Variants in C1QL3 observed in about 807,000 individuals in gnomAD.
The protein encoded by C1QL3 is complement C1q like 3.
In C1QL3, 4 loss-of-function variants were observed where a neutral mutation model predicts 16.6. That is an observed-to-expected ratio of 0.24 (90% CI 0.12 to 0.55). C1QL3 has a LOEUF of 0.55. Among genes scored for constraint, C1QL3 ranks in the 20% least tolerant of loss-of-function variants. The pLI, the probability that C1QL3 is intolerant of heterozygous loss-of-function variation, is 0.94. For missense variants in C1QL3, 269 were observed against 365.6 expected (o/e 0.74, Z 2.16); for synonymous variants, 189 against 160.2 (o/e 1.18, Z -1.36).
rs1294757124 is a variant in C1QL3 at position 16,521,548 on chromosome 10, T to C, written c.-483A>G. 1.3e-5 allele frequency: 2 copies of C among 153,456 alleles called. No homozygotes were observed. The highest frequency in any genetic ancestry group is 4.8e-5 in the African/African-American group (2 of 41,406). The allele number at this position is 153,456 out of a possible 1,614,324, so 9.5% of individuals were successfully genotyped here. On this transcript the variant is annotated 5_prime_UTR_variant, in exon 1 of 2. Coordinates refer to ENST00000298943, the MANE Select transcript of C1QL3 (RefSeq NM_001010908.2). Reference sequence around the variant, plus strand: ...TGCGCCTGTTCGCACCAACTTTCCGTCTGAAGTTGCCTTTTTCTGCCTCCT... The same window carrying C: ...TGCGCCTGTTCGCACCAACTTTCCGCCTGAAGTTGCCTTTTTCTGCCTCCT...
chr10:16,519,677 A>T (rs1837008886), intron 1 of C1QL3, among the ~76,000 whole-genome samples: 1 of 152,088 alleles, frequency 6.6e-6, no homozygotes, highest in Non-Finnish European at 1.5e-5. Flanking sequence ...AGAGGCCGAT[A>T]GACCCGGGGC....
Position 16,516,134 on chromosome 10 carries a change from A to G in C1QL3, c.589-1427T>C, listed in dbSNP as rs1425600576. Among the ~76,000 whole-genome samples the G allele has an allele frequency of 1.3e-5, 2 of 152,296 alleles. 1 individual carries two copies. The highest frequency in any genetic ancestry group is 6.8e-3 in the Middle Eastern group (2 of 294). On this transcript the variant is annotated intron_variant, in intron 1 of 1. Transcript: ENST00000298943. ...GTCTTTCTGGGTATCACATAGCAAAAGGAGAAAATGGCTTAAAGGATTTAG... is the reference window on the plus strand; with the variant it reads ...GTCTTTCTGGGTATCACATAGCAAAGGGAGAAAATGGCTTAAAGGATTTAG...
In C1QL3 at chr10:16,520,755, G is replaced by A. The variant is rs760549017; in HGVS notation, c.311C>T (p.Pro104Leu). The A allele has an allele frequency of 2.6e-5, 36 of 1,378,608 alleles. No homozygotes were observed. Among genetic ancestry groups the A allele is most frequent in the Non-Finnish European group, 3.3e-5 (35 of 1,063,828 alleles). The allele number at this position is 1,378,608 out of a possible 1,614,324, so 85.4% of individuals were successfully genotyped here. ...CGCGTTCAGGCCGGGCGCCCCGGGC[G>A]GGCCCGGCAGGCCTTGGCGGCCCGG... is the stretch of plus-strand genomic sequence containing the variant. ...GEPGRQGLPG[P>L]PGAPGLNAAG... The change falls in exon 1 of 2, where the codon CCG (proline) becomes CTG (leucine). Residue 104 changes from proline (P) to leucine (L), a missense_variant. Coordinates refer to ENST00000298943, the MANE Select transcript of C1QL3 (RefSeq NM_001010908.2). The surrounding 1 kb of genome is among the most constrained non-coding windows in gnomAD (Gnocchi z 8.3).
rs2133535487 is a variant in C1QL3 at position 16,514,374 on chromosome 10, T to C, written c.*154A>G. On this transcript the variant is annotated 3_prime_UTR_variant, in exon 2 of 2. Coordinates refer to ENST00000298943, the MANE Select transcript of C1QL3 (RefSeq NM_001010908.2). ...ATATTTTTTACATAATGTTTCTGAGTGATACAGATGTGAGTCAGGTAGCAT... is the reference window on the plus strand; with the variant it reads ...ATATTTTTTACATAATGTTTCTGAGCGATACAGATGTGAGTCAGGTAGCAT... The C allele has an allele frequency of 1.6e-6, 1 of 622,868 alleles. No individual in the cohort carries two copies. Among genetic ancestry groups the C allele is most frequent in the Non-Finnish European group, 2.8e-6 (1 of 352,590 alleles). The allele number at this position is 622,868 out of a possible 1,614,324, so 38.6% of individuals were successfully genotyped here. A position where few individuals can be genotyped will look rare whatever the true frequency, so the allele number is the denominator to read the frequency against.
chr10:16,520,516 C>T lies in C1QL3; in HGVS notation c.550G>A (p.Gly184Ser). ...TYHVLMRGGDGTSMWADLCKN... is the reference protein window; with the variant it reads ...TYHVLMRGGDSTSMWADLCKN... The stretch of plus-strand genomic sequence containing the variant: ...CAGAGATCAGCCCACATGCTGGTGC[C>T]GTCCCCTCCGCGCATCAGGACGTGG... The change falls in exon 1 of 2, where the codon GGC becomes AGC. Residue 184 changes from glycine (G) to serine (S), a missense_variant. Physicochemically the swap from Gly to Ser is moderately conservative, Grantham distance 56. Around this residue, in one of 2 missense-constraint regions of C1QL3, gnomAD observed 246 missense variants for 297.2 expected, o/e 0.83. Coordinates refer to ENST00000298943, the MANE Select transcript of C1QL3 (RefSeq NM_001010908.2). The surrounding 1 kb of genome is among the most constrained non-coding windows in gnomAD (Gnocchi z 8.3). 8 of 1,610,804 alleles carry T rather than the reference C, an allele frequency of 5.0e-6. No homozygotes were observed. The highest frequency in any genetic ancestry group is 6.8e-6 in the Non-Finnish European group (8 of 1,178,508).
intron 1 of C1QL3, among the ~76,000 whole-genome samples, chr10:16,519,140 C>CTTGTTTTTTTTTTTTTTTTTT (rs1836996587): frequency 2.5e-5 from 1 of 39,476 alleles, no homozygotes; most frequent in African/African-American, 1.5e-4. Flanking sequence ...GCATTTAGGA[C>CTTGTTTTTTTTTTTTTTTTTT]TTTTTTTTTT....
chr10:16,514,227 C>A lies in C1QL3; in HGVS notation c.*301G>T. The A allele has an allele frequency of 2.3e-6, 1 of 430,000 alleles. No homozygotes were observed. The highest frequency in any genetic ancestry group is 8.5e-5 in the South Asian group (1 of 11,800). 26.6% of individuals were successfully genotyped at this position (430,000 alleles called of 1,614,324 possible). ...TATCATATATATAGAAGAAATAATT[C>A]AATGTCTTAGATTTGTCTATAAAAA... On this transcript the variant is annotated 3_prime_UTR_variant, in exon 2 of 2. Transcript: ENST00000298943.
chr10:16,514,443 C>T lies in C1QL3; in HGVS notation c.*85G>A, dbSNP rs1354547302. On this transcript the variant is annotated 3_prime_UTR_variant, in exon 2 of 2. Coordinates refer to ENST00000298943, the MANE Select transcript of C1QL3 (RefSeq NM_001010908.2). The stretch of plus-strand genomic sequence containing the variant: ...CACAACTGAGGTGCCCTGCCATTGG[C>T]ATCCCCTGGGATCCTTGATTCACTG... The T allele has an allele frequency of 3.4e-6, 4 of 1,172,456 alleles. No individual in the cohort carries two copies. Among genetic ancestry groups the T allele is most frequent in the Non-Finnish European group, 1.2e-6 (1 of 810,346 alleles). 72.6% of individuals were successfully genotyped at this position (1,172,456 alleles called of 1,614,324 possible).
chr10:16,519,353 G>C (rs1485426500), intron 1 of C1QL3, among the ~76,000 whole-genome samples: 1 of 151,396 alleles, frequency 6.6e-6, no homozygotes, highest in Non-Finnish European at 1.5e-5. Context: ...TGCCAGGGTC[G>C]CGGGCCATCC....
At position 16,521,229 on chromosome 10, in the gene C1QL3, C is replaced by T. The variant is rs1837037811; in HGVS notation, c.-164G>A. On this transcript the variant is annotated 5_prime_UTR_variant, in exon 1 of 2. Coordinates refer to ENST00000298943, the MANE Select transcript of C1QL3 (RefSeq NM_001010908.2). ...CCCTGCGAACCCCAACTCCCCTGGG[C>T]GTGCGTGCGCCGGCCGCTGCTGCCG... is the stretch of plus-strand genomic sequence containing the variant. The T allele has an allele frequency of 4.9e-6, 3 of 610,484 alleles. No homozygotes were observed. The highest frequency in any genetic ancestry group is 2.1e-5 in the South Asian group (1 of 48,000). The allele number at this position is 610,484 out of a possible 1,614,324, so 37.8% of individuals were successfully genotyped here.
Position 16,521,329 on chromosome 10 carries a change from G to C in C1QL3, c.-264C>G. 1 of 381,862 alleles carries C rather than the reference G, an allele frequency of 2.6e-6. No homozygotes were observed. The highest frequency in any genetic ancestry group is 4.7e-6 in the Non-Finnish European group (1 of 214,794). 23.7% of individuals were successfully genotyped at this position (381,862 alleles called of 1,614,324 possible). A position where few individuals can be genotyped will look rare whatever the true frequency, so the allele number is the denominator to read the frequency against. On this transcript the variant is annotated 5_prime_UTR_variant, in exon 1 of 2. Transcript: ENST00000298943. ...CCAGTGACTTGAGCCGAAGTCCCGA[G>C]CCCGGGGTGGGGGCCGGGGGAGGGG...
intron 1 of C1QL3, among the ~76,000 whole-genome samples, chr10:16,517,526 T>C (rs556350301): frequency 2.6e-5 from 4 of 152,234 alleles, no homozygotes; most frequent in Non-Finnish European, 5.9e-5. Flanking sequence ...CTTCATGTTT[T>C]CTGCTAAAAG....
Position 16,513,760 on chromosome 10 carries a change from G to T in C1QL3, c.*768C>A, listed in dbSNP as rs944401123. On this transcript the variant is annotated 3_prime_UTR_variant, in exon 2 of 2. Transcript: ENST00000298943. Reference sequence around the variant, plus strand: ...TTCCCAGTGAATCTAAATGTATTCAGTTGACAAAATGGACACATAAGGGCT... The same window carrying T: ...TTCCCAGTGAATCTAAATGTATTCATTTGACAAAATGGACACATAAGGGCT... 6.6e-6 allele frequency: 1 copy of T among 152,526 alleles called. No individual in the cohort carries two copies. The allele number at this position is 152,526 out of a possible 1,614,324, so 9.4% of individuals were successfully genotyped here.
In C1QL3 at chr10:16,520,958, C is replaced by T. The variant is rs1454611520; in HGVS notation, c.108G>A (p.Gly36=). Residue 36 remains glycine (G), a synonymous_variant, in exon 1 of 2, where the codon GGG becomes GGA. Transcript: ENST00000298943. This position sits in a 1 kb window ranked among gnomAD's most constrained non-coding sequence, Gnocchi z 8.3. ...CAGCGGTGCTGGGCGCCTTGGTGCC[C>T]CCGTAGGGGTCGCAGACCATGCGGC... is the stretch of plus-strand genomic sequence containing the variant. The part of the protein sequence containing the change: ...GTCRMVCDPY[G]GTKAPSTAAT... 5.7e-6 allele frequency: 9 copies of T among 1,580,812 alleles called. No homozygotes were observed. In the African/African-American group the frequency reaches 1.2e-4, roughly 21 times the overall value.
At chr10:16,518,333 C>A (rs1041126461) in intron 1 of C1QL3, among the ~76,000 whole-genome samples, 12 of 152,056 alleles carry the variant, frequency 7.9e-5, no homozygotes, top group Non-Finnish European at 1.3e-4. Flanking sequence ...AAATGTTTAC[C>A]ACTATAGATT....
chr10:16,519,457 C>G (rs996827025), intron 1 of C1QL3, among the ~76,000 whole-genome samples: 2 of 151,994 alleles, frequency 1.3e-5, no homozygotes, highest in African/African-American at 4.8e-5. Context: ...GCTACTGATT[C>G]AGCGTGCACA....
Position 16,520,935 on chromosome 10 carries a change from G to A in C1QL3, c.131C>T (p.Ala44Val). The change falls in exon 1 of 2, where the codon GCT becomes GTT. Residue 44 changes from alanine (A) to valine (V), a missense_variant. Physicochemically the swap from Ala to Val is moderately conservative, Grantham distance 64. Coordinates refer to ENST00000298943, the MANE Select transcript of C1QL3 (RefSeq NM_001010908.2). The surrounding 1 kb of genome is among the most constrained non-coding windows in gnomAD (Gnocchi z 8.3). Reference sequence around the variant, plus strand: ...CATGAGGCCGCGGTCGGGCGTGGCAGCGGTGCTGGGCGCCTTGGTGCCCCC... The same window carrying A: ...CATGAGGCCGCGGTCGGGCGTGGCAACGGTGCTGGGCGCCTTGGTGCCCCC... ...PYGGTKAPST[A>V]ATPDRGLMQS... 6.4e-7 allele frequency: 1 copy of A among 1,568,138 alleles called. No individual in the cohort carries two copies. Among genetic ancestry groups the A allele is most frequent in the Non-Finnish European group, 8.6e-7 (1 of 1,165,582 alleles).
chr10:16,516,965 G>T (rs553751715), intron 1 of C1QL3, among the ~76,000 whole-genome samples: 1 of 152,112 alleles, frequency 6.6e-6, no homozygotes, highest in Non-Finnish European at 1.5e-5. Context: ...GCATGATTTT[G>T]GTATGGCTGC....
intron 1 of C1QL3, among the ~76,000 whole-genome samples, chr10:16,518,042 T>C (rs866611873): frequency 1.4e-4 from 21 of 152,210 alleles, no homozygotes; most frequent in African/African-American, 4.3e-4. Flanking sequence ...ACTTAATCCA[T>C]AGAACATTAC....
Sources: gnomAD v4.1 joint callset for allele counts (sites outside exome capture counted in the v4.1 genomes callset) on GRCh38, gnomAD v4.1.1 for gene constraint, gnomAD v4.1.1 regional missense constraint, Gnocchi (gnomAD v3.1) non-coding constraint, MANE v1.5 for transcripts, NCBI Gene and HGNC (gene_info 2026-07-23, HGNC 2026-07-21) for gene names.